PSTPIP2: variants seen among roughly 807,000 people sequenced by gnomAD.
PSTPIP2 encodes the protein proline-serine-threonine phosphatase-interacting protein 2.
PSTPIP2 carries 33 observed loss-of-function variants against 63.3 expected under a neutral mutation model. The observed-to-expected ratio is 0.52, with a 90% CI of 0.40 to 0.70. The LOEUF is 0.70. Among genes scored for constraint, PSTPIP2 ranks in the 30% least tolerant of loss-of-function variants. The pLI, the probability that PSTPIP2 is intolerant of heterozygous loss-of-function variation, is 0.00. For missense variants in PSTPIP2, 312 were observed against 400.7 expected (o/e 0.78, Z 1.89); for synonymous variants, 125 against 132.7 (o/e 0.94, Z 0.40).
intron 1 of PSTPIP2, among the ~76,000 whole-genome samples, chr18:46,068,153 T>C (rs1402066890): frequency 6.6e-6 from 1 of 152,140 alleles, no homozygotes; most frequent in Non-Finnish European, 1.5e-5. Context: ...AAAAATACAG[T>C]GTAAACAACT....
At chr18:45,990,830 A>G (rs1599692906) in intron 12 of PSTPIP2, 74 bp from the exon 13 acceptor site, 1 of 1,286,432 alleles carries the variant, frequency 7.8e-7, no homozygotes, top group East Asian at 2.4e-5. Flanking sequence ...TCTTGCTACA[A>G]GCCTATTGTA....
At chr18:45,988,870 G>C in intron 13 of PSTPIP2, 111 bp from the exon 14 acceptor site, 1 of 868,088 alleles carries the variant, frequency 1.2e-6, no homozygotes, top group Non-Finnish European at 1.9e-6. Context: ...CTATCCTTTT[G>C]TAAAGAGAAA....
intron 2 of PSTPIP2, among the ~76,000 whole-genome samples, chr18:46,037,836 G>A (rs934415675): frequency 6.6e-6 from 1 of 152,120 alleles, no homozygotes; most frequent in Non-Finnish European, 1.5e-5. Flanking sequence ...ACACAAGACT[G>A]ACTTCTTTTT....
intron 1 of PSTPIP2, among the ~76,000 whole-genome samples, chr18:46,068,999 G>A (rs1909296874): frequency 6.6e-6 from 1 of 152,112 alleles, no homozygotes; most frequent in Admixed American, 6.6e-5. Context: ...GAGAAGCCCT[G>A]CCCACTACAG....
intron 4 of PSTPIP2, 143 bp downstream of exon 4, chr18:46,015,760 A>G: frequency 1.2e-6 from 1 of 850,634 alleles, no homozygotes; most frequent in African/African-American, 1.7e-5. Flanking sequence ...TCGAGCCTGC[A>G]GAGCTTTGTC....
intron 6 of PSTPIP2, among the ~76,000 whole-genome samples, chr18:46,001,024 G>A (rs1328451331): frequency 4.6e-5 from 7 of 152,182 alleles, no homozygotes; most frequent in Non-Finnish European, 8.8e-5. Flanking sequence ...TGTCATCAGT[G>A]GCAACATGGA....
chr18:46,003,577 A>T (rs58554122), intron 6 of PSTPIP2, among the ~76,000 whole-genome samples: 12,092 of 151,072 alleles, frequency 0.08, 956 homozygotes, highest in African/African-American at 0.2. Flanking sequence ...CTTTTTATTT[A>T]TTTTTTTTAT....
intron 3 of PSTPIP2, among the ~76,000 whole-genome samples, chr18:46,020,007 C>T (rs916784621): frequency 6.6e-6 from 1 of 152,060 alleles, no homozygotes; most frequent in Non-Finnish European, 1.5e-5. Flanking sequence ...ATTGTCTGTC[C>T]CAAGTTTAAA....
At chr18:46,053,210 G>A (rs1287059317) in intron 1 of PSTPIP2, among the ~76,000 whole-genome samples, 1 of 152,014 alleles carries the variant, frequency 6.6e-6, no homozygotes, top group Admixed American at 6.6e-5. Flanking sequence ...CTGACATTTT[G>A]TGTTGTCCTT....
Position 45,984,985 on chromosome 18 carries a change from C to T in PSTPIP2, c.*474G>A, listed in dbSNP as rs549005285. 96 of 163,682 alleles carry T rather than the reference C, an allele frequency of 5.9e-4. No individual in the cohort carries two copies. Among genetic ancestry groups the T allele is most frequent in the African/African-American group, 2.1e-3 (86 of 41,714 alleles). The allele number at this position is 163,682 out of a possible 1,614,324, so 10.1% of individuals were successfully genotyped here. On this transcript the variant is annotated 3_prime_UTR_variant, in exon 15 of 15. Coordinates refer to ENST00000409746, the MANE Select transcript of PSTPIP2 (RefSeq NM_024430.4). ...TGTAAAATGAGAAAGTATGATCAGG[C>T]GGCTTCTAAGTCTTCCAGCCAAAAA...
intron 2 of PSTPIP2, among the ~76,000 whole-genome samples, chr18:46,037,895 T>TA (rs1908041170): frequency 6.6e-6 from 1 of 152,220 alleles, no homozygotes; most frequent in Non-Finnish European, 1.5e-5. Context: ...AAATACAATA[T>TA]AAATAATCAA....
At chr18:46,003,372 G>A (rs971464883) in intron 6 of PSTPIP2, among the ~76,000 whole-genome samples, 6 of 152,318 alleles carry the variant, frequency 3.9e-5, no homozygotes, top group Admixed American at 6.5e-5. Context: ...TGGCAGGGGA[G>A]TTGGGTGCTC....
chr18:46,049,798 T>C (rs190464904), intron 1 of PSTPIP2, among the ~76,000 whole-genome samples: 12 of 152,314 alleles, frequency 7.9e-5, no homozygotes, highest in African/African-American at 2.9e-4. Flanking sequence ...GAGAATCACT[T>C]GAACCTGGGA....
intron 1 of PSTPIP2, among the ~76,000 whole-genome samples, chr18:46,058,199 C>G (rs1313802304): frequency 1.3e-5 from 2 of 152,146 alleles, no homozygotes; most frequent in East Asian, 3.9e-4. Flanking sequence ...GGATGGGAGA[C>G]TCCTGGAAAA....
rs2051453297 is a variant in PSTPIP2, at chr18:45,985,002, A to T, written c.*457T>A. On this transcript the variant is annotated 3_prime_UTR_variant, in exon 15 of 15. Coordinates refer to ENST00000409746, the MANE Select transcript of PSTPIP2 (RefSeq NM_024430.4). ...TGATCAGGCGGCTTCTAAGTCTTCC[A>T]GCCAAAAAGGAAGGTAATTTTAAAT... The T allele has an allele frequency of 6.0e-6, 1 of 166,776 alleles. No individual in the cohort carries two copies. The allele number at this position is 166,776 out of a possible 1,614,324, so 10.3% of individuals were successfully genotyped here.
rs1163562290 is a variant in PSTPIP2 at position 46,040,011 on chromosome 18, T to C, written c.70A>G (p.Ile24Val). 3.7e-6 allele frequency: 6 copies of C among 1,613,192 alleles called. No individual in the cohort carries two copies. The highest frequency in any genetic ancestry group is 5.1e-6 in the Non-Finnish European group (6 of 1,179,564). The change falls in exon 2 of 15, where the codon ATT (isoleucine) becomes GTT (valine). Residue 24 changes from isoleucine to valine, a missense_variant. Coordinates refer to ENST00000409746, the MANE Select transcript of PSTPIP2 (RefSeq NM_024430.4). Reference sequence around the variant, plus strand: ...CGGCCATTGTTCAGATGTTGGATAATGTTGTCATAGCCGATGGTGCTGAGG... The same window carrying C: ...CGGCCATTGTTCAGATGTTGGATAACGTTGTCATAGCCGATGGTGCTGAGG... ...DILSTIGYDN[I>V]IQHLNNGRKN...
At chr18:46,045,347 T>C (rs1908345616) in intron 1 of PSTPIP2, among the ~76,000 whole-genome samples, 1 of 152,210 alleles carries the variant, frequency 6.6e-6, no homozygotes, top group Non-Finnish European at 1.5e-5. Flanking sequence ...AATGATGAGT[T>C]CACGTTCTTT....
intron 6 of PSTPIP2, 76 bp downstream of exon 6, chr18:46,005,393 G>A (rs1011106950): frequency 1.2e-4 from 137 of 1,173,964 alleles, no homozygotes; most frequent in Admixed American, 2.4e-4. Context: ...ATTTGAGTAG[G>A]AATATGTTCA....
intron 5 of PSTPIP2, among the ~76,000 whole-genome samples, chr18:46,009,995 C>G (rs923029146): frequency 2.6e-5 from 4 of 152,334 alleles, no homozygotes; most frequent in African/African-American, 9.6e-5. Context: ...TTCCCATGTT[C>G]ATTTCTACCC....
Sources: allele counts gnomAD v4.1 joint callset (sites outside exome capture counted in the v4.1 genomes callset), GRCh38; gene constraint gnomAD v4.1.1; transcripts MANE v1.5; gene names NCBI Gene and HGNC (gene_info 2026-07-23, HGNC 2026-07-21).